Variants in ITGA8 observed in about 807,000 individuals in gnomAD.
The protein encoded by ITGA8 is integrin alpha-8.
A neutral mutation model predicts 142.3 loss-of-function variants in ITGA8; 91 were observed. The observed-to-expected ratio is 0.64, with a 90% CI of 0.54 to 0.76. The LOEUF is 0.76. ITGA8 is among the 30% of genes least tolerant of loss of function. The pLI, the probability that ITGA8 is intolerant of heterozygous loss-of-function variation, is 0.00. For synonymous variants in ITGA8, 505 were observed against 485.2 expected, an observed-to-expected ratio of 1.04 and a Z score of -0.54; for missense variants, 1,406 against 1,327.7, an observed-to-expected ratio of 1.06 and a Z score of -0.92.
At chr10:15,561,022 T>C (rs1169810646) in intron 25 of ITGA8, among the ~76,000 whole-genome samples, 1 of 151,782 alleles carries the variant, frequency 6.6e-6, no homozygotes, top group African/African-American at 2.4e-5. Context: ...GCCTCCCAAA[T>C]AGCTAGGACT....
At chr10:15,709,594 T>C (rs1432870398) in intron 2 of ITGA8, among the ~76,000 whole-genome samples, 1 of 152,258 alleles carries the variant, frequency 6.6e-6, no homozygotes, top group East Asian at 1.9e-4. Flanking sequence ...TTAAGGTCTA[T>C]GGGATTATCT....
At position 15,586,645 on chromosome 10, in the gene ITGA8, C is replaced by T. The variant is rs765711289; in HGVS notation, c.2311G>A (p.Asp771Asn). ...QIRSSNKDNP[D>N]SNFVSLQINI... ...ATTTGCAGGCTCACAAAATTGCTGT[C>T]TGGATTGTCCTTGTTGGAACTAAAA... The change falls in exon 23 of 30, where the codon GAC becomes AAC. Residue 771 changes from aspartate (D) to asparagine (N), a missense_variant. Physicochemically the swap from Asp to Asn is conservative, Grantham distance 23. Coordinates refer to ENST00000378076, the MANE Select transcript of ITGA8 (RefSeq NM_003638.3). 1.2e-6 allele frequency: 2 copies of T among 1,611,822 alleles called. No individual in the cohort carries two copies. Among genetic ancestry groups the T allele is most frequent in the South Asian group, 2.2e-5 (2 of 91,006 alleles).
intron 21 of ITGA8, among the ~76,000 whole-genome samples, chr10:15,593,629 C>T (rs573791313): frequency 2.6e-4 from 40 of 152,296 alleles, no homozygotes; most frequent in East Asian, 1.5e-3. Flanking sequence ...TAAATCATCT[C>T]TTTTGTCATA....
chr10:15,573,691 G>A (rs576716843), intron 24 of ITGA8, among the ~76,000 whole-genome samples: 33 of 152,032 alleles, frequency 2.2e-4, no homozygotes, highest in Non-Finnish European at 3.4e-4. Flanking sequence ...TGTAGCTCAA[G>A]ATGAAAGTCA....
chr10:15,616,670 G>A (rs1833398731), intron 13 of ITGA8, 111 bp from the exon 14 acceptor site: 2 of 848,590 alleles, frequency 2.4e-6, no homozygotes, highest in Middle Eastern at 2.3e-4. Context: ...TGGTACGAGA[G>A]CCACAAAATT....
rs1250066631 is a variant in ITGA8, at chr10:15,688,035, T to C, written c.347A>G (p.Asn116Ser). The C allele has an allele frequency of 6.2e-7, 1 of 1,603,382 alleles. No homozygotes were observed. The highest frequency in any genetic ancestry group is 2.2e-5 in the East Asian group (1 of 44,818). ...GGTTCCATTAACTCTGATCTTTCTG[T>C]TGTCTGTCAAAGAAGATAGGAAGAG... is the stretch of plus-strand genomic sequence containing the variant. ...CRQIPFDTTN[N>S]RKIRVNGTKE... Residue 116 changes from asparagine (N) to serine (S), a missense_variant, in exon 3 of 30, where the codon AAC (asparagine) becomes AGC (serine). By Grantham distance (46) the Asn-to-Ser change is conservative (BLOSUM62 1). Transcript: ENST00000378076.
At chr10:15,652,359 G>A (rs888754462) in intron 11 of ITGA8, among the ~76,000 whole-genome samples, 7 of 152,136 alleles carry the variant, frequency 4.6e-5, no homozygotes, top group African/African-American at 9.7e-5. Context: ...GAATGAATCC[G>A]TGCAGCAGGG....
intron 27 of ITGA8, among the ~76,000 whole-genome samples, chr10:15,548,135 A>G (rs770805652): frequency 1.3e-5 from 2 of 150,208 alleles, no homozygotes; most frequent in Non-Finnish European, 2.9e-5. Flanking sequence ...TCTGTCACCC[A>G]GGCTGGAGTG....
intron 3 of ITGA8, among the ~76,000 whole-genome samples, chr10:15,684,865 AG>A (rs1259972815): frequency 1.3e-5 from 2 of 152,226 alleles, no homozygotes; most frequent in Non-Finnish European, 2.9e-5. Context: ...TGCTTTTAAA[AG>A]ATGACTTTCA....
chr10:15,681,699 C>T (rs1375356539), intron 4 of ITGA8, among the ~76,000 whole-genome samples: 1 of 152,152 alleles, frequency 6.6e-6, no homozygotes, highest in Non-Finnish European at 1.5e-5. Context: ...GAATAACCTA[C>T]ATTATCAAGG....
chr10:15,581,619 C>A (rs896977480), intron 23 of ITGA8, among the ~76,000 whole-genome samples: 1 of 152,102 alleles, frequency 6.6e-6, no homozygotes, highest in African/African-American at 2.4e-5. Context: ...ATTGGATAAA[C>A]TTTTACATAT....
chr10:15,671,730 A>G (rs565481330), intron 7 of ITGA8, 83 bp from the exon 8 acceptor site: 2 of 1,003,410 alleles, frequency 2.0e-6, no homozygotes, highest in Non-Finnish European at 3.1e-6. Flanking sequence ...TGAAAGGGCT[A>G]CCATGGTACT....
chr10:15,603,066 A>G lies in ITGA8; in HGVS notation c.2118+1142T>C, dbSNP rs187360121. 4.0e-3 allele frequency among the ~76,000 whole-genome samples: 607 copies of G among 152,168 alleles called. 2 individuals carry two copies. The highest frequency in any genetic ancestry group is 0.014 in the African/African-American group (579 of 41,500). ...TTTTTCTTATACATTTCTTCAACAG[A>G]TACTCAAGGATTTTAAATGACTGTT... On this transcript the variant is annotated intron_variant, in intron 20 of 29. Transcript: ENST00000378076.
intron 3 of ITGA8, 119 bp from the exon 4 acceptor site, chr10:15,684,246 G>GGCCTCTAA (rs1225660390): frequency 1.0e-6 from 1 of 1,000,642 alleles, no homozygotes; most frequent in Non-Finnish European, 1.4e-6. Flanking sequence ...TTGGCCTCTA[G>GGCCTCTAA]CATGCTAATG....
intron 23 of ITGA8, among the ~76,000 whole-genome samples, chr10:15,577,097 G>A (rs188076523): frequency 2.6e-5 from 4 of 152,294 alleles, no homozygotes; most frequent in East Asian, 1.9e-4. Flanking sequence ...GCAACAGAGA[G>A]TTGAGTTCGT....
In ITGA8 at chr10:15,604,319, G is replaced by A. The variant is rs769788830; in HGVS notation, c.2007C>T (p.His669=). 6.2e-7 allele frequency: 1 copy of A among 1,612,288 alleles called. No homozygotes were observed. ...KHQVIIGDEN[H]LMLIINARNE... Reference sequence around the variant, plus strand: ...TTCTTGCATTTATTATGAGCATAAGGTGATTTTCATCTCCAATGATTACCT... The same window carrying A: ...TTCTTGCATTTATTATGAGCATAAGATGATTTTCATCTCCAATGATTACCT... The change falls in exon 20 of 30, where the codon CAC becomes CAT. Residue 669 remains histidine, a synonymous_variant. Transcript: ENST00000378076.
chr10:15,651,762 A>AT (rs932820708), intron 11 of ITGA8, among the ~76,000 whole-genome samples: 4 of 152,250 alleles, frequency 2.6e-5, no homozygotes, highest in African/African-American at 9.6e-5. Flanking sequence ...TAGCCAAGTG[A>AT]TTTTTTAAAC....
At position 15,606,270 on chromosome 10, in the gene ITGA8, C is replaced by T. The variant is rs1430558129; in HGVS notation, c.1902+15G>A. On this transcript the variant is annotated intron_variant, in intron 18 of 29. Coordinates refer to ENST00000378076, the MANE Select transcript of ITGA8 (RefSeq NM_003638.3). The stretch of plus-strand genomic sequence containing the variant: ...TTGCTTGAGAAAATGCCGTCAAAGA[C>T]TGTGAAGGACTTACCTGTTCACTAA... 1 of 1,585,024 alleles carries T rather than the reference C, an allele frequency of 6.3e-7. No homozygotes were observed. Among genetic ancestry groups the T allele is most frequent in the South Asian group, 1.1e-5 (1 of 88,584 alleles).
At chr10:15,627,118 G>A (rs12251075) in intron 13 of ITGA8, among the ~76,000 whole-genome samples, 32,826 of 152,026 alleles carry the variant, frequency 0.22, 3,727 homozygotes, top group Admixed American at 0.32. Flanking sequence ...CTGCCTTCCA[G>A]CTACTTAGAG....
Sources: allele counts gnomAD v4.1 joint callset (sites outside exome capture counted in the v4.1 genomes callset), GRCh38; gene constraint gnomAD v4.1.1; transcripts MANE v1.5; gene names NCBI Gene and HGNC (gene_info 2026-07-23, HGNC 2026-07-21).